CLASP1: variants seen among roughly 807,000 people sequenced by gnomAD.
CLASP1 encodes the protein cytoplasmic linker associated protein 1.
CLASP1 carries 38 observed loss-of-function variants against 192.3 expected under a neutral mutation model. The observed-to-expected ratio is 0.20, with a 90% CI of 0.15 to 0.26. The LOEUF (loss-of-function observed/expected upper bound fraction) is 0.26, where lower values mean the gene tolerates loss of function less well. CLASP1 is among the 10% of genes least tolerant of loss of function. The pLI is 1.00. For synonymous variants in CLASP1, 691 were observed against 712.8 expected, an observed-to-expected ratio of 0.97 and a Z score of 0.49; for missense variants, 1,433 against 1,932.5, an observed-to-expected ratio of 0.74 and a Z score of 4.85.
At chr2:121,371,779 G>A (rs2068794146) in intron 34 of CLASP1, among the ~76,000 whole-genome samples, 1 of 152,174 alleles carries the variant, frequency 6.6e-6, no homozygotes, top group African/African-American at 2.4e-5. Context: ...CCCACGTCCT[G>A]AAGGATCGCA....
chr2:121,531,129 G>GT (rs2094842277), intron 2 of CLASP1: 1 of 619,912 alleles, frequency 1.6e-6, no homozygotes, highest in Non-Finnish European at 2.9e-6. Context: ...CGCAAGTAAA[G>GT]TTCTTTCAGT....
At position 121,366,024 on chromosome 2, in the gene CLASP1, T is replaced by C. The variant is rs144211249; in HGVS notation, c.3887-740A>G. On this transcript the variant is annotated intron_variant, in intron 35 of 39. Coordinates refer to ENST00000263710, the Ensembl canonical transcript of CLASP1. Reference sequence around the variant, plus strand: ...AAAACAAACAAATCAGACAAGTTATTAGGAACTACTTAAATGTGTATTTGC... The same window carrying C: ...AAAACAAACAAATCAGACAAGTTATCAGGAACTACTTAAATGTGTATTTGC... Among the ~76,000 whole-genome samples the C allele has an allele frequency of 4.0e-3, 611 of 152,318 alleles. 6 individuals are homozygous for C. The highest frequency in any genetic ancestry group is 0.014 in the African/African-American group (572 of 41,566).
chr2:121,641,265 G>T (rs183010356), intron 1 of CLASP1, among the ~76,000 whole-genome samples: 1 of 151,470 alleles, frequency 6.6e-6, no homozygotes, highest in Non-Finnish European at 1.5e-5. Flanking sequence ...AAGAAAATTC[G>T]CTAAAAGGTA....
At chr2:121,343,334 G>C (rs898653177) in intron 39 of CLASP1, among the ~76,000 whole-genome samples, 3 of 152,198 alleles carry the variant, frequency 2.0e-5, no homozygotes, top group African/African-American at 7.2e-5. Context: ...ACAGCAGGGA[G>C]GTTCCCTGAA....
chr2:121,556,182 T>G (rs1430787768), intron 2 of CLASP1, among the ~76,000 whole-genome samples: 1 of 151,706 alleles, frequency 6.6e-6, no homozygotes, highest in African/African-American at 2.4e-5. Context: ...GATAGGGTTT[T>G]GCCATGTTGG....
intron 2 of CLASP1, chr2:121,531,115 G>C (rs955119917): frequency 4.1e-5 from 26 of 635,296 alleles, no homozygotes; most frequent in Admixed American, 1.2e-4. Flanking sequence ...CGTGGTTTTA[G>C]TGTCGCAAGT....
chr2:121,530,516 A>G, intron 2 of CLASP1, 191 bp from the exon 3 acceptor site: 2 of 571,126 alleles, frequency 3.5e-6, no homozygotes, highest in Non-Finnish European at 6.3e-6. Flanking sequence ...ATGTACAGCT[A>G]TAATGGAAAA....
intron 2 of CLASP1, among the ~76,000 whole-genome samples, chr2:121,551,083 G>A (rs1306984272): frequency 1.3e-5 from 2 of 152,212 alleles, no homozygotes; most frequent in Non-Finnish European, 2.9e-5. Flanking sequence ...ATCAATAAAT[G>A]TGATTCATCA....
At chr2:121,456,459 GAAAGAAAGA>G (rs1027886641) in intron 14 of CLASP1, among the ~76,000 whole-genome samples, 3 of 150,722 alleles carry the variant, frequency 2.0e-5, no homozygotes, top group Non-Finnish European at 4.4e-5. Flanking sequence ...CAGCCTGGGT[GAAAGAAAGA>G]AAAGAAAGGA....
At chr2:121,560,632 G>C (rs1025417456) in intron 2 of CLASP1, among the ~76,000 whole-genome samples, 1 of 152,142 alleles carries the variant, frequency 6.6e-6, no homozygotes. Context: ...CCACCTCTAG[G>C]AATAAGGGGT....
At chr2:121,517,815 C>T (rs1343542196) in intron 6 of CLASP1, among the ~76,000 whole-genome samples, 1 of 134,864 alleles carries the variant, frequency 7.4e-6, no homozygotes, top group African/African-American at 2.7e-5. Flanking sequence ...GAGCTATAAT[C>T]CTACCACCAC....
At chr2:121,634,190 GC>G (rs777623804) in intron 1 of CLASP1, among the ~76,000 whole-genome samples, 1 of 152,112 alleles carries the variant, frequency 6.6e-6, no homozygotes, top group Non-Finnish European at 1.5e-5. Flanking sequence ...TTACTTGTCT[GC>G]CTTCCTTCTT....
At chr2:121,515,789 G>GCT in intron 6 of CLASP1, 27 bp from the exon 7 acceptor site, 1 of 1,591,258 alleles carries the variant, frequency 6.3e-7, no homozygotes, top group Middle Eastern at 1.7e-4. Context: ...AGATCTTACA[G>GCT]CTGCTCTGTG....
rs188725522 is a variant in CLASP1 at position 121,620,639 on chromosome 2, C to T, written c.-285-14459G>A. Among the ~76,000 whole-genome samples, 310 of 152,200 alleles carry T rather than the reference C, an allele frequency of 2.0e-3. 3 individuals carry two copies. Among genetic ancestry groups the T allele is most frequent in the African/African-American group, 6.9e-3 (287 of 41,526 alleles). The stretch of plus-strand genomic sequence containing the variant: ...CTGGGATTACAGGCATGAGCCACCA[C>T]GCCCGGCCTTGACTTCTTTTCATGG... On this transcript the variant is annotated intron_variant, in intron 1 of 39. Transcript: ENST00000263710.
At chr2:121,388,717 A>C (rs1484800171) in intron 30 of CLASP1, among the ~76,000 whole-genome samples, 3 of 152,246 alleles carry the variant, frequency 2.0e-5, no homozygotes, top group Non-Finnish European at 4.4e-5. Flanking sequence ...CATTTATAAA[A>C]GCTAAGCCAA....
intron 1 of CLASP1, among the ~76,000 whole-genome samples, chr2:121,615,631 G>T (rs1166462265): frequency 6.6e-6 from 1 of 151,526 alleles, no homozygotes. Context: ...TAAAAATATA[G>T]AAATTAGCAG....
At chr2:121,628,256 G>A (rs185791104) in intron 1 of CLASP1, among the ~76,000 whole-genome samples, 5 of 152,294 alleles carry the variant, frequency 3.3e-5, no homozygotes, top group Admixed American at 3.3e-4. Flanking sequence ...TCCAAAACGA[G>A]TTATGATTGC....
intron 8 of CLASP1, among the ~76,000 whole-genome samples, chr2:121,478,657 CACA>C (rs2091983974): frequency 1.0e-5 from 1 of 97,258 alleles, no homozygotes; most frequent in African/African-American, 4.2e-5. Flanking sequence ...CCCACACACA[CACA>C]CCCCCCACAC....
At chr2:121,497,865 G>A (rs536053714) in intron 8 of CLASP1, among the ~76,000 whole-genome samples, 45 of 152,034 alleles carry the variant, frequency 3.0e-4, no homozygotes, top group Non-Finnish European at 5.1e-4. Flanking sequence ...GACTACAGGC[G>A]CCCACCACCA....
Sources: gnomAD v4.1 joint callset for allele counts (sites outside exome capture counted in the v4.1 genomes callset) on GRCh38, gnomAD v4.1.1 for gene constraint, MANE v1.5 for transcripts, NCBI Gene and HGNC (gene_info 2026-07-23, HGNC 2026-07-21) for gene names.